Variants in ZNF850 observed in about 807,000 individuals in gnomAD.
ZNF850 encodes putative zinc finger protein ENSP00000330994.
ZNF850 carries 2 observed loss-of-function variants against 11.9 expected under a neutral mutation model. The observed-to-expected ratio is 0.17, with a 90% CI of 0.07 to 0.53. The LOEUF (loss-of-function observed/expected upper bound fraction) is 0.53. Ranked by LOEUF, ZNF850 falls within the 20% of genes least tolerant of loss-of-function variation. ZNF850 has a pLI of 0.94. For synonymous variants in ZNF850, 381 were observed against 443.0 expected, an observed-to-expected ratio of 0.86 and a Z score of 1.76; for missense variants, 1,014 against 1,316.4, an observed-to-expected ratio of 0.77 and a Z score of 3.55.
At chr19:36,766,001 G>A (rs533188585) in intron 1 of ZNF850, among the ~76,000 whole-genome samples, 1 of 152,198 alleles carries the variant, frequency 6.6e-6, no homozygotes, top group African/African-American at 2.4e-5. Context: ...TGACTCTTGT[G>A]CCTCAGCCAT....
chr19:36,755,283 A>G (rs548469552), intron 4 of ZNF850, among the ~76,000 whole-genome samples: 42 of 152,300 alleles, frequency 2.8e-4, no homozygotes, highest in African/African-American at 9.9e-4. Context: ...GCCGGAATGC[A>G]GTGGTGCAAT....
intron 1 of ZNF850, among the ~76,000 whole-genome samples, chr19:36,765,158 C>T (rs2040542294): frequency 6.6e-6 from 1 of 152,218 alleles, no homozygotes; most frequent in Admixed American, 6.5e-5. Flanking sequence ...CTCTAGCTGT[C>T]TCTGATTCCC....
intron 4 of ZNF850, 115 bp downstream of exon 4, chr19:36,761,528 C>T: frequency 1.9e-6 from 1 of 533,790 alleles, no homozygotes; most frequent in South Asian, 2.9e-5. Context: ...GGCCACCACC[C>T]TTACATGGGA....
At chr19:36,762,849 ACTTT>A (rs1029284440) in intron 1 of ZNF850, among the ~76,000 whole-genome samples, 174 bp from the exon 2 acceptor site, 26 of 150,490 alleles carry the variant, frequency 1.7e-4, no homozygotes, top group African/African-American at 6.1e-4. Flanking sequence ...CTCCCTTACC[ACTTT>A]CTTTCTTGTT....
At position 36,744,704 on chromosome 19, in the gene ZNF850, C is replaced by T. The variant is rs527499849; in HGVS notation, c.*3063G>A. The T allele has an allele frequency of 1.3e-5, 2 of 152,274 alleles. No homozygotes were observed. Among genetic ancestry groups the T allele is most frequent in the South Asian group, 2.1e-4 (1 of 4,826 alleles). The allele number at this position is 152,274 out of a possible 1,614,324, so 9.4% of individuals were successfully genotyped here. On this transcript the variant is annotated 3_prime_UTR_variant, in exon 5 of 5. Coordinates refer to ENST00000591344, the MANE Select transcript of ZNF850 (RefSeq NM_001193552.2). ...TCTGTATATATTTATGTTTAAATAT[C>T]TCCAAGGAAGCAGTTACAAAAACAT...
intron 1 of ZNF850, among the ~76,000 whole-genome samples, chr19:36,765,709 C>T (rs1259344500): frequency 1.3e-5 from 2 of 150,930 alleles, no homozygotes; most frequent in African/African-American, 2.4e-5. Flanking sequence ...CTCAGCCTCC[C>T]GAGTAGCTGG....
Position 36,749,382 on chromosome 19 carries a change from G to A in ZNF850, c.1658C>T (p.Ala553Val), listed in dbSNP as rs917047428. ...TFRSGLIGHQ[A>V]VHTGEKPYDC... is the part of the protein sequence containing the mutation. ...ATAGGGTTTCTCACCAGTGTGAACT[G>A]CCTGATGTCCAATTAGCCCTGAGCG... The change falls in exon 5 of 5, where the codon GCA (alanine) becomes GTA (valine). Residue 553 changes from alanine (A) to valine (V), a missense_variant. Ala to Val is a moderately conservative substitution (Grantham distance 64, BLOSUM62 0). Coordinates refer to ENST00000591344, the MANE Select transcript of ZNF850 (RefSeq NM_001193552.2). 3.9e-6 allele frequency: 6 copies of A among 1,533,836 alleles called. No homozygotes were observed. The highest frequency in any genetic ancestry group is 5.2e-6 in the Non-Finnish European group (6 of 1,147,364).
At chr19:36,766,195 G>T (rs1166553222) in intron 1 of ZNF850, among the ~76,000 whole-genome samples, 1 of 150,612 alleles carries the variant, frequency 6.6e-6, no homozygotes, top group Non-Finnish European at 1.5e-5. Flanking sequence ...CCAGGCCAGA[G>T]AATTTTAAAA....
At chr19:36,768,611 G>C (rs576290193) in intron 1 of ZNF850, among the ~76,000 whole-genome samples, 14 of 151,998 alleles carry the variant, frequency 9.2e-5, no homozygotes, top group African/African-American at 3.4e-4. Context: ...ATCTATCTAG[G>C]GTTCTACCTT....
At position 36,749,650 on chromosome 19, in the gene ZNF850, G is replaced by T; in HGVS notation, c.1390C>A (p.Leu464Ile). ...CGKSFASGSA[L>I]LQHQRIHTGE... is the part of the protein sequence containing the mutation. The stretch of plus-strand genomic sequence containing the variant: ...GTGTGAATCCGCTGATGTTGAAGTA[G>T]TGCTGAGCCCGAAGCAAAAGATTTC... Residue 464 changes from leucine to isoleucine, a missense_variant, in exon 5 of 5, where the codon CTA becomes ATA. By Grantham distance (5) the Leu-to-Ile change is conservative. Around this residue, in one of 2 missense-constraint regions of ZNF850, gnomAD observed 835 missense variants for 1,022.0 expected, o/e 0.82. Transcript: ENST00000591344. 1 of 1,554,242 alleles carries T rather than the reference G, an allele frequency of 6.4e-7. No homozygotes were observed.
chr19:36,766,656 T>G (rs1353550072), intron 1 of ZNF850, among the ~76,000 whole-genome samples: 2 of 152,196 alleles, frequency 1.3e-5, no homozygotes, highest in African/African-American at 2.4e-5. Context: ...GGGGGCTGTA[T>G]AGAAATTTTA....
chr19:36,763,683 C>A (rs990291349), intron 1 of ZNF850, among the ~76,000 whole-genome samples: 1 of 151,674 alleles, frequency 6.6e-6, no homozygotes. Flanking sequence ...AATCACAGCA[C>A]TTTGGGAGGC....
intron 4 of ZNF850, among the ~76,000 whole-genome samples, chr19:36,751,309 A>G (rs1337926716): frequency 6.6e-6 from 1 of 152,078 alleles, no homozygotes; most frequent in African/African-American, 2.4e-5. Flanking sequence ...AAAGCCTGAA[A>G]AGCTGTCAAA....
rs1600603853 is a variant in ZNF850 at position 36,749,173 on chromosome 19, C to A, written c.1867G>T (p.Gly623Trp). 3 of 1,605,946 alleles carry A rather than the reference C, an allele frequency of 1.9e-6. No homozygotes were observed. The highest frequency in any genetic ancestry group is 4.5e-5 in the East Asian group (2 of 44,664). Residue 623 changes from glycine (G) to tryptophan (W), a missense_variant, in exon 5 of 5, where the codon GGG (glycine) becomes TGG (tryptophan). Gly to Trp is a radical substitution (Grantham distance 184). Coordinates refer to ENST00000591344, the MANE Select transcript of ZNF850 (RefSeq NM_001193552.2). ...CGTAAACGAAGTCTAAAGGCCTTCCCACATTCCTTACAATCATAAGGTTTC... is the reference window on the plus strand; with the variant it reads ...CGTAAACGAAGTCTAAAGGCCTTCCAACATTCCTTACAATCATAAGGTTTC... ...GEKPYDCKEC[G>W]KAFRLRLRLT...
At chr19:36,762,059 A>AG (rs1242619613) in intron 3 of ZNF850, among the ~76,000 whole-genome samples, 4 of 151,528 alleles carry the variant, frequency 2.6e-5, no homozygotes, top group Non-Finnish European at 5.9e-5. Context: ...AAAAAAAAAA[A>AG]AAAGAAAAGA....
chr19:36,757,499 GT>G (rs1283114106), intron 4 of ZNF850, among the ~76,000 whole-genome samples: 1 of 135,038 alleles, frequency 7.4e-6, no homozygotes, highest in Non-Finnish European at 1.6e-5. Context: ...AGGAAATATA[GT>G]TTCTTTTTTT....
Position 36,748,666 on chromosome 19 carries a change from T to A in ZNF850, c.2374A>T (p.Lys792Ter). The change falls in exon 5 of 5, where the codon AAA becomes TAA. Residue 792 changes from lysine to a stop codon, truncating the protein, a stop_gained. Transcript: ENST00000591344. LOFTEE classifies it low-confidence loss of function (END_TRUNC). ...EKLYDCKECG[K>*]SFTSHSTLIQ... ...AGTGTTGAATGAGAAGTAAAAGATT[T>A]CCCACATTCCTTACAATCATAGAGC... 6.5e-7 allele frequency: 1 copy of A among 1,537,648 alleles called. No homozygotes were observed. The highest frequency in any genetic ancestry group is 8.7e-7 in the Non-Finnish European group (1 of 1,147,046).
intron 4 of ZNF850, among the ~76,000 whole-genome samples, chr19:36,757,132 TC>T (rs1290108792): frequency 1.3e-5 from 2 of 152,190 alleles, no homozygotes; most frequent in African/African-American, 4.8e-5. Context: ...CAATGAATAT[TC>T]CCATGCTATA....
At position 36,753,968 on chromosome 19, in the gene ZNF850, A is replaced by C. The variant is rs118026857; in HGVS notation, c.236-3164T>G. Among the ~76,000 whole-genome samples the C allele has an allele frequency of 4.0e-3, 616 of 152,168 alleles. 19 individuals are homozygous for C. In the East Asian group the frequency reaches 0.077, roughly 19 times the overall value. On this transcript the variant is annotated intron_variant, in intron 4 of 4. Transcript: ENST00000591344. ...AACAGTGTAAAATAAAACAGGCAAC[A>C]GAAGACAGGAAAAGTGAGACAAATA...
Sources: gnomAD v4.1 joint callset for allele counts (sites outside exome capture counted in the v4.1 genomes callset) on GRCh38, gnomAD v4.1.1 for gene constraint, gnomAD v4.1.1 regional missense constraint, MANE v1.5 for transcripts, NCBI Gene and HGNC (gene_info 2026-07-23, HGNC 2026-07-21) for gene names.